Variants in ARID1B observed in about 807,000 individuals in gnomAD.
ARID1B encodes the protein AT-rich interaction domain 1B, also known as AT-rich interactive domain-containing protein 1B.
ARID1B carries 30 observed loss-of-function variants against 212.3 expected under a neutral mutation model. That is an observed-to-expected ratio of 0.14 (90% CI 0.11 to 0.19). The LOEUF is 0.19. Among genes scored for constraint, ARID1B ranks in the 10% least tolerant of loss-of-function variants. The probability of loss-of-function intolerance (pLI) is 1.00; values close to 1 mark genes in which losing one functional copy is unlikely to be tolerated. For missense variants in ARID1B, 2,891 were observed against 3,204.0 expected (o/e 0.90, Z 2.36); for synonymous variants, 1,402 against 1,301.7 (o/e 1.08, Z -1.66).
intron 12 of ARID1B, 81 bp from the exon 13 acceptor site, chr6:157,184,150 A>T: frequency 7.7e-7 from 1 of 1,301,014 alleles, no homozygotes; most frequent in Non-Finnish European, 1.1e-6. Flanking sequence ...GTCAACCAAG[A>T]CATTAAGTGC....
Position 157,004,897 on chromosome 6 carries a change from C to CTTTTTTGTTTTTTT in ARID1B, c.2247+69327_2247+69328insGTTTTTTTTTTTTT, listed in dbSNP as rs1562542228. ...TTTTTTCTTTTTCTTCTTCTTTTTT[C>CTTTTTTGTTTTTTT]TTTTTTTTTTTTTTTTTTTTTTTTT... On this transcript the variant is annotated intron_variant, in intron 4 of 19. Coordinates refer to ENST00000636930, the MANE Select transcript of ARID1B (RefSeq NM_001374828.1). Among the ~76,000 whole-genome samples the CTTTTTTGTTTTTTT allele has an allele frequency of 6.9e-4, 38 of 54,736 alleles. 2 individuals carry two copies. Among genetic ancestry groups the CTTTTTTGTTTTTTT allele is most frequent in the African/African-American group, 1.1e-3 (15 of 13,814 alleles). The allele number at this position is 54,736 out of a possible 152,430, so 35.9% of individuals were successfully genotyped here. A position where few individuals can be genotyped will look rare whatever the true frequency, so the allele number is the denominator to read the frequency against.
chr6:157,076,148 A>T (rs1405745254), intron 4 of ARID1B, among the ~76,000 whole-genome samples: 2 of 152,240 alleles, frequency 1.3e-5, no homozygotes, highest in Non-Finnish European at 2.9e-5. Context: ...TCAGTGAAGG[A>T]TGAAGAACAA....
intron 2 of ARID1B, among the ~76,000 whole-genome samples, chr6:156,857,460 A>G (rs1039516544): frequency 6.6e-6 from 1 of 152,018 alleles, no homozygotes; most frequent in Admixed American, 6.5e-5. Flanking sequence ...AACTTCTAGT[A>G]TGGGGTTTCA....
At chr6:156,839,655 C>T (rs1215556082) in intron 2 of ARID1B, among the ~76,000 whole-genome samples, 3 of 152,198 alleles carry the variant, frequency 2.0e-5, no homozygotes, top group Admixed American at 1.3e-4. Flanking sequence ...AACTTAGTCA[C>T]ATCACTGGCC....
chr6:156,956,037 G>T (rs1583024427), intron 4 of ARID1B, among the ~76,000 whole-genome samples: 1 of 152,094 alleles, frequency 6.6e-6, no homozygotes, highest in African/African-American at 2.4e-5. Context: ...TGGACATAAG[G>T]TCAGATAAAA....
At chr6:157,165,714 T>G (rs1791280701) in intron 8 of ARID1B, among the ~76,000 whole-genome samples, 1 of 152,114 alleles carries the variant, frequency 6.6e-6, no homozygotes, top group Non-Finnish European at 1.5e-5. Context: ...TGGATGCTGT[T>G]GGCTCACACC....
intron 3 of ARID1B, among the ~76,000 whole-genome samples, chr6:156,913,873 C>G (rs1189323745): frequency 6.8e-6 from 1 of 147,708 alleles, no homozygotes; most frequent in Non-Finnish European, 1.5e-5. Flanking sequence ...GAGCCACCAT[C>G]CCACTCTTCA....
At chr6:156,855,105 T>A (rs1041541505) in intron 2 of ARID1B, among the ~76,000 whole-genome samples, 6 of 152,198 alleles carry the variant, frequency 3.9e-5, no homozygotes, top group Admixed American at 6.5e-5. Context: ...ATGTCACTAG[T>A]GTCTAAGTTA....
At chr6:157,092,570 A>G (rs1428962705) in intron 5 of ARID1B, among the ~76,000 whole-genome samples, 1 of 152,276 alleles carries the variant, frequency 6.6e-6, no homozygotes, top group Non-Finnish European at 1.5e-5. Context: ...CTTCAAAAGC[A>G]CAAATCTTTT....
At chr6:157,150,391 C>T (rs1005369753) in intron 8 of ARID1B, 2 of 152,222 alleles carry the variant, frequency 1.3e-5, no homozygotes, top group African/African-American at 4.8e-5. Context: ...CATTCCAAAG[C>T]CTTGCCTTCA....
At chr6:156,841,136 T>G (rs1454358147) in intron 2 of ARID1B, among the ~76,000 whole-genome samples, 2 of 152,190 alleles carry the variant, frequency 1.3e-5, no homozygotes, top group Non-Finnish European at 2.9e-5. Context: ...GCTTTGAGCC[T>G]CTGTAGTGAG....
intron 4 of ARID1B, among the ~76,000 whole-genome samples, chr6:157,051,257 G>A (rs1474905385): frequency 2.0e-5 from 3 of 152,174 alleles, no homozygotes; most frequent in East Asian, 1.9e-4. Context: ...TAAGCTGAAC[G>A]AACGGATGAA....
intron 2 of ARID1B, chr6:156,871,586 C>T (rs1158260473): frequency 6.2e-7 from 1 of 1,601,988 alleles, no homozygotes; most frequent in Non-Finnish European, 8.5e-7. Context: ...CACTGTTGCT[C>T]CTAATTACTG....
intron 2 of ARID1B, among the ~76,000 whole-genome samples, chr6:156,864,877 C>T (rs1056745798): frequency 6.6e-6 from 1 of 152,082 alleles, no homozygotes; most frequent in Admixed American, 6.5e-5. Flanking sequence ...CAGAAATGAG[C>T]CATGTCATAA....
chr6:157,169,513 G>C (rs1791567832), intron 9 of ARID1B: 1 of 152,168 alleles, frequency 6.6e-6, no homozygotes, highest in Non-Finnish European at 1.5e-5. Context: ...TAAGCAGTGG[G>C]AATTTTTCCT....
rs538113380 is a variant in ARID1B at position 156,841,461 on chromosome 6, A to G, written c.1986+12040A>G. 3.8e-4 allele frequency among the ~76,000 whole-genome samples: 58 copies of G among 152,304 alleles called. 1 individual carries two copies. Among genetic ancestry groups the G allele is most frequent in the Admixed American group, 1.2e-3 (18 of 15,296 alleles). ...TTGATGATGATGATGACAGGAATCT[A>G]GTGCCTTCATGTAAACTGTCACCAT... is the stretch of plus-strand genomic sequence containing the variant. On this transcript the variant is annotated intron_variant, in intron 2 of 19. Transcript: ENST00000636930.
intron 12 of ARID1B, among the ~76,000 whole-genome samples, 181 bp from the exon 13 acceptor site, chr6:157,184,048 AGG>A (rs2128324024): frequency 6.6e-6 from 1 of 152,306 alleles, no homozygotes; most frequent in South Asian, 2.1e-4. Context: ...TGCCATCAGC[AGG>A]TTCCCTAATG....
intron 2 of ARID1B, among the ~76,000 whole-genome samples, chr6:156,889,270 G>A (rs756650822): frequency 6.6e-6 from 1 of 152,078 alleles, no homozygotes; most frequent in Non-Finnish European, 1.5e-5. Flanking sequence ...CAGAAGCTGC[G>A]GATTTTTTCC....
rs1299353702 is a variant in ARID1B, at chr6:156,897,261, C to CTTA, written c.1987-4113_1987-4112insATT. Among the ~76,000 whole-genome samples the CTTA allele has an allele frequency of 4.4e-3, 406 of 92,650 alleles. 3 individuals are homozygous for CTTA. The highest frequency in any genetic ancestry group is 5.8e-3 in the South Asian group (15 of 2,592). 60.8% of individuals were successfully genotyped at this position (92,650 alleles called of 152,430 possible). A position where few individuals can be genotyped will look rare whatever the true frequency, so the allele number is the denominator to read the frequency against. The stretch of plus-strand genomic sequence containing the variant: ...TCTTCTTCTTCTTCTTCTTCTTCTT[C>CTTA]TTCTTATTATTATTATTATTATTAT... On this transcript the variant is annotated intron_variant, in intron 2 of 19. Coordinates refer to ENST00000636930, the MANE Select transcript of ARID1B (RefSeq NM_001374828.1).
Sources: gnomAD v4.1 joint callset for allele counts (sites outside exome capture counted in the v4.1 genomes callset) on GRCh38, gnomAD v4.1.1 for gene constraint, MANE v1.5 for transcripts, NCBI Gene and HGNC (gene_info 2026-07-23, HGNC 2026-07-21) for gene names.